The following PLCH1 variants were observed in gnomAD, a reference collection of about 807,000 sequenced individuals.
The protein encoded by PLCH1 is phospholipase C eta 1, also known as 1-phosphatidylinositol 4,5-bisphosphate phosphodiesterase eta-1.
A neutral mutation model predicts 126.7 loss-of-function variants in PLCH1; 60 were observed. The observed-to-expected ratio is 0.47, with a 90% CI of 0.38 to 0.59. PLCH1 has a LOEUF of 0.59. Ranked by LOEUF, PLCH1 falls within the 20% of genes least tolerant of loss-of-function variation. The probability of loss-of-function intolerance (pLI) is 0.00; values close to 1 mark genes in which losing one functional copy is unlikely to be tolerated. For missense variants in PLCH1, 1,723 were observed against 2,040.0 expected (o/e 0.84, Z 2.99); for synonymous variants, 719 against 734.9 (o/e 0.98, Z 0.35).
At chr3:155,699,757 C>A (rs1438901863) in intron 2 of PLCH1, among the ~76,000 whole-genome samples, 1 of 151,610 alleles carries the variant, frequency 6.6e-6, no homozygotes, top group African/African-American at 2.4e-5. Flanking sequence ...TCACATTTGT[C>A]CTGAAAGCTT....
intron 2 of PLCH1, among the ~76,000 whole-genome samples, chr3:155,694,007 T>C (rs1577330530): frequency 6.6e-6 from 1 of 152,306 alleles, no homozygotes; most frequent in East Asian, 1.9e-4. Context: ...CTTCTATATT[T>C]TCCTGCTTAA....
intron 11 of PLCH1, 148 bp downstream of exon 11, chr3:155,523,749 T>C (rs758956516): frequency 1.3e-5 from 7 of 551,626 alleles, no homozygotes; most frequent in Non-Finnish European, 6.4e-6. Flanking sequence ...TGAATGTCTA[T>C]GTGCCAGCAA....
At chr3:155,596,181 C>T (rs767550543) in intron 3 of PLCH1, 51 bp downstream of exon 3, 5 of 1,435,002 alleles carry the variant, frequency 3.5e-6, no homozygotes, top group Admixed American at 3.4e-5. Context: ...CTCAGTATAA[C>T]CCGTGTGTTA....
chr3:155,716,444 T>G (rs578075065), intron 1 of PLCH1, among the ~76,000 whole-genome samples: 2 of 152,354 alleles, frequency 1.3e-5, no homozygotes, highest in South Asian at 4.1e-4. Flanking sequence ...AAAAGAGGTT[T>G]GATTAGCTCA....
chr3:155,618,200 T>A (rs1736021148), intron 2 of PLCH1, among the ~76,000 whole-genome samples: 1 of 152,218 alleles, frequency 6.6e-6, no homozygotes, highest in Non-Finnish European at 1.5e-5. Flanking sequence ...ATTGTTAGAT[T>A]CTAGTCTTGT....
rs1464415982 is a variant in PLCH1 at position 155,532,460 on chromosome 3, A to AC, written c.1363-8457dup. On this transcript the variant is annotated intron_variant, in intron 10 of 22. Coordinates refer to ENST00000460012, the MANE Select transcript of PLCH1 (RefSeq NM_014996.4). ...GGTGATATGGTTTGGCTGTGTCCCC[A>AC]CCCAAATCTCATCTTGAACTGTAAT... 3.3e-5 allele frequency among the ~76,000 whole-genome samples: 5 copies of AC among 152,086 alleles called. No individual in the cohort carries two copies. In the East Asian group the frequency reaches 9.6e-4, roughly 29 times the overall value.
At chr3:155,622,885 C>T (rs982054713) in intron 2 of PLCH1, among the ~76,000 whole-genome samples, 3 of 152,206 alleles carry the variant, frequency 2.0e-5, no homozygotes, top group Admixed American at 6.5e-5. Context: ...GTATCCAGGG[C>T]GTGAACTCAG....
At chr3:155,564,571 A>ATAAAAAAT (rs1728064901) in intron 8 of PLCH1, among the ~76,000 whole-genome samples, 1 of 152,142 alleles carries the variant, frequency 6.6e-6, no homozygotes, top group African/African-American at 2.4e-5. Context: ...CTCAAAAAAA[A>ATAAAAAAT]TAAAAAATTA....
chr3:155,471,106 G>T (rs1030196862), intron 21 of PLCH1, among the ~76,000 whole-genome samples: 8 of 151,984 alleles, frequency 5.3e-5, no homozygotes, highest in East Asian at 1.9e-4. Context: ...TGGACTAAAT[G>T]CTCCAATTAA....
rs1334470588 is a variant in PLCH1 at position 155,500,707 on chromosome 3, A to T, written c.1792T>A (p.Tyr598Asn). 6.2e-7 allele frequency: 1 copy of T among 1,600,898 alleles called. No individual in the cohort carries two copies. Among genetic ancestry groups the T allele is most frequent in the Admixed American group, 1.7e-5 (1 of 59,984 alleles). Residue 598 changes from tyrosine to asparagine, a missense_variant, in exon 14 of 23, where the codon TAC becomes AAC. Tyr to Asn is a moderately radical substitution (Grantham distance 143, BLOSUM62 -2). This residue lies in a region of PLCH1 where 776 missense variants were observed against 1,062.9 expected (regional missense o/e 0.73). Transcript: ENST00000460012. ...AACATGGAGATGCTTTCTTACCTGT[A>T]CAGCTGGCCACCCTCCTTGCCAGTA... Reference protein sequence around the residue: ...QSTGKEGGQLYRLGRRRKTMK... With the variant: ...QSTGKEGGQLNRLGRRRKTMK...
chr3:155,554,302 A>G (rs903595546), intron 8 of PLCH1, 106 bp from the exon 9 acceptor site: 6 of 1,051,660 alleles, frequency 5.7e-6, no homozygotes, highest in Non-Finnish European at 8.3e-6. Flanking sequence ...AATTATACCC[A>G]TTTCAATCCT....
At chr3:155,470,722 G>A (rs1413536378) in intron 21 of PLCH1, among the ~76,000 whole-genome samples, 1 of 152,082 alleles carries the variant, frequency 6.6e-6, no homozygotes, top group East Asian at 1.9e-4. Context: ...ACTAACAGCG[G>A]ATCTCTCGGC....
intron 2 of PLCH1, among the ~76,000 whole-genome samples, chr3:155,649,236 C>T (rs1247960024): frequency 6.6e-6 from 1 of 152,158 alleles, no homozygotes; most frequent in Non-Finnish European, 1.5e-5. Context: ...ATCTCCTCAA[C>T]ATTGATTTAG....
At chr3:155,601,178 C>G (rs1733688664) in intron 2 of PLCH1, among the ~76,000 whole-genome samples, 1 of 152,150 alleles carries the variant, frequency 6.6e-6, no homozygotes, top group South Asian at 2.1e-4. Context: ...AGGGTTTCAC[C>G]GTGTTAGCCA....
intron 2 of PLCH1, among the ~76,000 whole-genome samples, chr3:155,623,597 A>C (rs906833352): frequency 3.9e-5 from 6 of 152,204 alleles, no homozygotes; most frequent in Non-Finnish European, 8.8e-5. Context: ...TCCCACAGAA[A>C]TACAAACTAC....
At chr3:155,600,489 T>C (rs1024188674) in intron 2 of PLCH1, among the ~76,000 whole-genome samples, 8 of 152,182 alleles carry the variant, frequency 5.3e-5, no homozygotes, top group Non-Finnish European at 4.4e-5. Flanking sequence ...ATTTCCAGTA[T>C]TGAAGGTTCT....
chr3:155,662,117 G>A (rs1315715383), intron 2 of PLCH1, among the ~76,000 whole-genome samples: 2 of 152,144 alleles, frequency 1.3e-5, no homozygotes, highest in Non-Finnish European at 2.9e-5. Flanking sequence ...AGCTCATGAT[G>A]AGGACACTCA....
chr3:155,707,166 G>T (rs1445925352), intron 1 of PLCH1, among the ~76,000 whole-genome samples: 3 of 152,132 alleles, frequency 2.0e-5, no homozygotes, highest in Non-Finnish European at 2.9e-5. Flanking sequence ...CCAATGCCTT[G>T]ATCTTAGACT....
chr3:155,583,793 C>G (rs2108597259), intron 5 of PLCH1, 151 bp from the exon 6 acceptor site: 1 of 541,136 alleles, frequency 1.8e-6, no homozygotes, highest in African/African-American at 2.0e-5. Flanking sequence ...TTCAAGCACA[C>G]ATGGAACATT....
Sources: gnomAD v4.1 joint callset for allele counts (sites outside exome capture counted in the v4.1 genomes callset) on GRCh38, gnomAD v4.1.1 for gene constraint, gnomAD v4.1.1 regional missense constraint, MANE v1.5 for transcripts, NCBI Gene and HGNC (gene_info 2026-07-23, HGNC 2026-07-21) for gene names.